The following FSTL5 variants were observed in gnomAD, a reference collection of about 807,000 sequenced individuals.
FSTL5 encodes follistatin-related protein 5.
In FSTL5, 62 loss-of-function variants were observed where a neutral mutation model predicts 89.1. The observed-to-expected ratio is 0.70, with a 90% CI of 0.57 to 0.86. FSTL5 has a LOEUF of 0.86. Among genes scored for constraint, FSTL5 ranks in the 40% least tolerant of loss-of-function variants. FSTL5 has a pLI of 0.00. For synonymous variants in FSTL5, 383 were observed against 346.2 expected (o/e 1.11, Z -1.18); for missense variants, 1,057 against 1,001.6 (o/e 1.06, Z -0.75).
At position 162,088,456 on chromosome 4, in the gene FSTL5, G is replaced by T. The variant is rs1265773278; in HGVS notation, c.126+22815C>A. 3.3e-5 allele frequency among the ~76,000 whole-genome samples: 5 copies of T among 151,966 alleles called. No homozygotes were observed. In the South Asian group the frequency reaches 1.0e-3, roughly 32 times the overall value. ...GCCATTGACTTAGGATCAGAAAAATGACATATAACTGCGACATTTTTACTT... is the reference window on the plus strand; with the variant it reads ...GCCATTGACTTAGGATCAGAAAAATTACATATAACTGCGACATTTTTACTT... On this transcript the variant is annotated intron_variant, in intron 2 of 15. Coordinates refer to ENST00000306100, the MANE Select transcript of FSTL5 (RefSeq NM_020116.5).
intron 15 of FSTL5, among the ~76,000 whole-genome samples, chr4:161,405,014 T>C (rs915818283): frequency 2.6e-5 from 4 of 152,230 alleles, no homozygotes; most frequent in Admixed American, 1.3e-4. Flanking sequence ...GTAGATCACC[T>C]GTGGTCAAGA....
chr4:161,966,959 A>C (rs1735344284), intron 3 of FSTL5, among the ~76,000 whole-genome samples: 1 of 151,936 alleles, frequency 6.6e-6, no homozygotes, highest in South Asian at 2.1e-4. Flanking sequence ...AAAAAACCTC[A>C]ATCTTTTACA....
At chr4:161,403,452 C>A (rs1731254261) in intron 15 of FSTL5, among the ~76,000 whole-genome samples, 1 of 152,118 alleles carries the variant, frequency 6.6e-6, no homozygotes, top group South Asian at 2.1e-4. Flanking sequence ...GAAATGTATC[C>A]AAAGGAGGCT....
intron 6 of FSTL5, among the ~76,000 whole-genome samples, chr4:161,663,198 A>C (rs1736774550): frequency 6.6e-6 from 1 of 152,054 alleles, no homozygotes. Context: ...TCCAAATCTC[A>C]TGTCCTCGCA....
At chr4:161,894,138 T>C (rs140670123) in intron 4 of FSTL5, among the ~76,000 whole-genome samples, 14 of 152,282 alleles carry the variant, frequency 9.2e-5, no homozygotes, top group African/African-American at 3.4e-4. Flanking sequence ...ATTATGTCCA[T>C]AGATGAGGAA....
chr4:161,639,956 C>T (rs940634234), intron 7 of FSTL5, among the ~76,000 whole-genome samples: 1 of 152,158 alleles, frequency 6.6e-6, no homozygotes, highest in Non-Finnish European at 1.5e-5. Context: ...TTCCTCCCTG[C>T]TTCCTTCATT....
At chr4:162,036,016 T>C (rs536319884) in intron 2 of FSTL5, among the ~76,000 whole-genome samples, 7 of 152,236 alleles carry the variant, frequency 4.6e-5, no homozygotes, top group South Asian at 2.1e-4. Context: ...GCTAACCCTA[T>C]TGAGTCTCCT....
chr4:161,987,412 C>T (rs952254645), intron 3 of FSTL5, among the ~76,000 whole-genome samples: 4 of 149,562 alleles, frequency 2.7e-5, no homozygotes, highest in African/African-American at 9.8e-5. Context: ...AACTCTTCAA[C>T]TACAACTACA....
At chr4:161,397,084 T>C (rs1399391728) in intron 15 of FSTL5, among the ~76,000 whole-genome samples, 7 of 152,154 alleles carry the variant, frequency 4.6e-5, no homozygotes. Flanking sequence ...GGGAGATTTT[T>C]CAAAATACAT....
chr4:161,506,616 A>G (rs1329063036), intron 11 of FSTL5, among the ~76,000 whole-genome samples: 2 of 152,040 alleles, frequency 1.3e-5, no homozygotes, highest in Non-Finnish European at 2.9e-5. Flanking sequence ...CCACACTTAG[A>G]AGCTGTATTT....
At chr4:161,847,302 T>C (rs1579137804) in intron 4 of FSTL5, among the ~76,000 whole-genome samples, 1 of 152,318 alleles carries the variant, frequency 6.6e-6, no homozygotes, top group East Asian at 1.9e-4. Flanking sequence ...TAACTTTTGT[T>C]GAGTGTTTTC....
Position 161,456,414 on chromosome 4 carries a change from T to C in FSTL5, c.1717-1286A>G, listed in dbSNP as rs535125443. ...TATTAATTATAAATATCTCAGAAAA[T>C]ACATATTTTGCTTTCGTATTTGACG... On this transcript the variant is annotated intron_variant, in intron 14 of 15. Transcript: ENST00000306100. 1.7e-3 allele frequency among the ~76,000 whole-genome samples: 257 copies of C among 152,292 alleles called. 1 individual carries two copies. The highest frequency in any genetic ancestry group is 5.9e-3 in the African/African-American group (247 of 41,572).
At chr4:162,134,757 A>G (rs1208207968) in intron 1 of FSTL5, among the ~76,000 whole-genome samples, 1 of 152,184 alleles carries the variant, frequency 6.6e-6, no homozygotes, top group African/African-American at 2.4e-5. Context: ...TCATTTTCCC[A>G]TAAATGCTCA....
intron 4 of FSTL5, among the ~76,000 whole-genome samples, chr4:161,794,612 G>A (rs1380825279): frequency 6.6e-6 from 1 of 152,112 alleles, no homozygotes; most frequent in Admixed American, 6.5e-5. Context: ...TGGGCTCAGA[G>A]GGCAATGCTT....
chr4:161,872,802 G>T (rs1579158984), intron 4 of FSTL5, among the ~76,000 whole-genome samples: 1 of 151,926 alleles, frequency 6.6e-6, no homozygotes, highest in Admixed American at 6.6e-5. Context: ...GAGAAACTGA[G>T]GAACAAAAAC....
chr4:162,157,554 A>G (rs1733530120), intron 1 of FSTL5, among the ~76,000 whole-genome samples: 1 of 152,112 alleles, frequency 6.6e-6, no homozygotes, highest in Non-Finnish European at 1.5e-5. Flanking sequence ...AGTTACACGA[A>G]TGGTATACAC....
intron 3 of FSTL5, among the ~76,000 whole-genome samples, chr4:161,953,352 T>C (rs1225624894): frequency 6.6e-6 from 1 of 151,564 alleles, no homozygotes; most frequent in African/African-American, 2.4e-5. Context: ...TATAAAACTT[T>C]TAAATGTATA....
chr4:161,635,449 T>C (rs1735654519), intron 7 of FSTL5, among the ~76,000 whole-genome samples: 1 of 151,436 alleles, frequency 6.6e-6, no homozygotes. Context: ...TCACTGAAAA[T>C]TAGCTTCGTT....
intron 13 of FSTL5, among the ~76,000 whole-genome samples, chr4:161,472,831 T>G (rs1733995873): frequency 6.6e-6 from 1 of 151,938 alleles, no homozygotes; most frequent in Non-Finnish European, 1.5e-5. Flanking sequence ...TTCAAGCAAT[T>G]CTCCTGCCTC....
Sources: gnomAD v4.1 joint callset for allele counts (sites outside exome capture counted in the v4.1 genomes callset) on GRCh38, gnomAD v4.1.1 for gene constraint, MANE v1.5 for transcripts, NCBI Gene and HGNC (gene_info 2026-07-23, HGNC 2026-07-21) for gene names.